COL23A1: variants seen among roughly 807,000 people sequenced by gnomAD.
COL23A1 encodes the protein collagen alpha-1(XXIII) chain.
Under a neutral mutation model 99.3 loss-of-function variants are expected in COL23A1, and 97 were observed. The ratio of observed to expected loss-of-function variants is 0.98; its 90% confidence interval spans 0.83 to 1.16. The LOEUF is 1.16. Among genes scored for constraint, COL23A1 ranks in the 50% most tolerant of loss-of-function variants. The pLI, the probability that COL23A1 is intolerant of heterozygous loss-of-function variation, is 0.00. For missense variants in COL23A1, 762 were observed against 757.4 expected (o/e 1.01, Z -0.07); for synonymous variants, 320 against 308.2 (o/e 1.04, Z -0.40).
At chr5:178,287,864 G>A (rs1279474076) in intron 5 of COL23A1, among the ~76,000 whole-genome samples, 8 of 152,218 alleles carry the variant, frequency 5.3e-5, no homozygotes, top group South Asian at 2.1e-4. Flanking sequence ...CCAGGAATGC[G>A]CTAGCTTTTG....
In COL23A1 at chr5:178,306,446, G is replaced by T. The variant is rs1758357467; in HGVS notation, c.406+429C>A. Among the ~76,000 whole-genome samples the T allele has an allele frequency of 6.6e-6, 1 of 151,924 alleles. No homozygotes were observed. The highest frequency in any genetic ancestry group is 6.6e-5 in the Admixed American group (1 of 15,264). Reference sequence around the variant, plus strand: ...TGGGCTGCAGGGAAGGGAGGTGGGGGAGTCTCCTCCTGGCGGCTCTGCCAA... The same window carrying T: ...TGGGCTGCAGGGAAGGGAGGTGGGGTAGTCTCCTCCTGGCGGCTCTGCCAA... On this transcript the variant is annotated intron_variant, in intron 3 of 28. Transcript: ENST00000390654. This position sits in a 1 kb window ranked among gnomAD's most constrained non-coding sequence, Gnocchi z 4.1.
intron 7 of COL23A1, among the ~76,000 whole-genome samples, chr5:178,268,137 G>A (rs142713590): frequency 3.3e-5 from 5 of 152,314 alleles, no homozygotes; most frequent in African/African-American, 4.8e-5. Context: ...TCCAAATTCT[G>A]GGTCGGGGGT....
At chr5:178,417,611 C>A (rs1765384078) in intron 2 of COL23A1, among the ~76,000 whole-genome samples, 1 of 152,120 alleles carries the variant, frequency 6.6e-6, no homozygotes, top group Non-Finnish European at 1.5e-5. Context: ...GACGGAAATC[C>A]AACCCTCAAC....
chr5:178,357,733 TGTGTATGTAC>T (rs1488948459), intron 2 of COL23A1, among the ~76,000 whole-genome samples: 1 of 149,268 alleles, frequency 6.7e-6, no homozygotes, highest in Non-Finnish European at 1.5e-5. Context: ...TGTGTGTGTG[TGTGTATGTAC>T]GTGTATGTGT....
In COL23A1 at chr5:178,561,254, C is replaced by G. The variant is rs149294634; in HGVS notation, c.295-506G>C. Among the ~76,000 whole-genome samples, 59 of 152,364 alleles carry G rather than the reference C, an allele frequency of 3.9e-4. 2 individuals carry two copies. In the South Asian group the frequency reaches 0.012, roughly 31 times the overall value. On this transcript the variant is annotated intron_variant, in intron 1 of 28. Transcript: ENST00000390654. ...ACCTGATGGCCCGGGTTGAATCACC[C>G]TGATGAAAACATTTTCCTTTGTTGT...
intron 19 of COL23A1, among the ~76,000 whole-genome samples, chr5:178,248,516 C>T (rs1033869033): frequency 2.6e-5 from 4 of 152,152 alleles, no homozygotes; most frequent in Non-Finnish European, 4.4e-5. Flanking sequence ...GCAAAGACCC[C>T]GGGGTCAAAC....
chr5:178,387,925 C>T lies in COL23A1; in HGVS notation c.362-81006G>A, dbSNP rs776266241. Reference sequence around the variant, plus strand: ...AGATGTGGCAGCTGTGGTGGCACTGCAAGAACTGCCAGTGAAGGACAGAAA... The same window carrying T: ...AGATGTGGCAGCTGTGGTGGCACTGTAAGAACTGCCAGTGAAGGACAGAAA... On this transcript the variant is annotated intron_variant, in intron 2 of 28. Coordinates refer to ENST00000390654, the MANE Select transcript of COL23A1 (RefSeq NM_173465.4). The surrounding 1 kb of genome is among the most constrained non-coding windows in gnomAD (Gnocchi z 4.7). 2.2e-4 allele frequency among the ~76,000 whole-genome samples: 32 copies of T among 147,710 alleles called. No individual in the cohort carries two copies. Among genetic ancestry groups the T allele is most frequent in the Non-Finnish European group, 4.3e-4 (29 of 67,986 alleles).
chr5:178,367,172 C>T (rs887109901), intron 2 of COL23A1, among the ~76,000 whole-genome samples: 2 of 152,216 alleles, frequency 1.3e-5, no homozygotes, highest in Non-Finnish European at 2.9e-5. Context: ...TACACATCAG[C>T]ACTAGCTTGA....
At chr5:178,580,327 C>CAAAA (rs139837263) in intron 1 of COL23A1, among the ~76,000 whole-genome samples, 2 of 114,062 alleles carry the variant, frequency 1.8e-5, no homozygotes, top group African/African-American at 3.3e-5. Context: ...GACTCCATCT[C>CAAAA]AAAAAAAAAA....
intron 2 of COL23A1, among the ~76,000 whole-genome samples, chr5:178,532,472 C>T (rs922057882): frequency 2.6e-5 from 4 of 152,108 alleles, no homozygotes; most frequent in Non-Finnish European, 5.9e-5. Context: ...AGCCGAGCCC[C>T]GAGAAGATGC....
At position 178,518,930 on chromosome 5, in the gene COL23A1, GGCGGCGGCTGCGGTCGGTCGCGGCA is replaced by G. The variant is rs1009264463; in HGVS notation, c.361+41727_361+41751del. Among the ~76,000 whole-genome samples the G allele has an allele frequency of 6.4e-5, 6 of 93,288 alleles. No individual in the cohort carries two copies. In the South Asian group the frequency reaches 1.4e-3, roughly 22 times the overall value. The allele number at this position is 93,288 out of a possible 152,430, so 61.2% of individuals were successfully genotyped here. ...AACTCCATCCTCCCGGCGGTCGGGC[GGCGGCGGCTGCGGTCGGTCGCGGCA>G]GCGGCTCCGCTTCATATCTGCAGCT... is the stretch of plus-strand genomic sequence containing the variant. On this transcript the variant is annotated intron_variant, in intron 2 of 28. Coordinates refer to ENST00000390654, the MANE Select transcript of COL23A1 (RefSeq NM_173465.4).
chr5:178,288,973 T>TA (rs1365143130), intron 4 of COL23A1, among the ~76,000 whole-genome samples: 3 of 151,928 alleles, frequency 2.0e-5, no homozygotes, highest in African/African-American at 7.3e-5. Context: ...ACTGCCAAGT[T>TA]AAAAAAGAAA....
chr5:178,486,024 C>T (rs778135291), intron 2 of COL23A1, among the ~76,000 whole-genome samples: 4 of 152,176 alleles, frequency 2.6e-5, no homozygotes, highest in African/African-American at 4.8e-5. Flanking sequence ...CTTCTGCCCT[C>T]AACTGATGAT....
chr5:178,578,373 C>G (rs1763500790), intron 1 of COL23A1, among the ~76,000 whole-genome samples: 1 of 152,142 alleles, frequency 6.6e-6, no homozygotes, highest in African/African-American at 2.4e-5. Context: ...TGGGAATCTT[C>G]CCTTCCTGAC....
intron 3 of COL23A1, among the ~76,000 whole-genome samples, chr5:178,292,044 C>A (rs149223981): frequency 2.6e-5 from 4 of 152,294 alleles, no homozygotes; most frequent in Admixed American, 6.5e-5. Flanking sequence ...CATCGCCTTT[C>A]CAACACCAGT....
At chr5:178,473,267 T>C (rs1756856418) in intron 2 of COL23A1, among the ~76,000 whole-genome samples, 1 of 152,110 alleles carries the variant, frequency 6.6e-6, no homozygotes, top group Admixed American at 6.6e-5. Context: ...TGAGGGAGGA[T>C]GTACTTAGGT....
In COL23A1 at chr5:178,238,716, G is replaced by A. The variant is rs1336908419; in HGVS notation, c.1621-16C>T. 7.4e-6 allele frequency: 12 copies of A among 1,612,034 alleles called. No individual in the cohort carries two copies. The African/African-American group carries it at 1.5e-4, about 20-fold the overall frequency. The stretch of plus-strand genomic sequence containing the variant: ...CTGTGGGTCACTGGAAAAGGAGGAA[G>A]AGACTGAAGGTGACGAGGAGCCCGA... On this transcript the variant is annotated splice_polypyrimidine_tract_variant and intron_variant, in intron 28 of 28. Transcript: ENST00000390654.
chr5:178,259,714 C>T lies in COL23A1; in HGVS notation c.729+7G>A, dbSNP rs544545258. The T allele has an allele frequency of 1.2e-6, 2 of 1,602,592 alleles. No homozygotes were observed. The highest frequency in any genetic ancestry group is 2.2e-5 in the East Asian group (1 of 44,454). ...GACCCGGAAGCTCCTCCATTGGCCC[C>T]TCTCACCTTCTTTCCAGGTACTCCA... On this transcript the variant is annotated splice_region_variant and intron_variant, in intron 12 of 28. Coordinates refer to ENST00000390654, the MANE Select transcript of COL23A1 (RefSeq NM_173465.4).
At chr5:178,357,986 G>GTA (rs1280975296) in intron 2 of COL23A1, among the ~76,000 whole-genome samples, 1 of 150,930 alleles carries the variant, frequency 6.6e-6, no homozygotes, top group Admixed American at 6.6e-5. Context: ...ATATATGTGT[G>GTA]TATGCGTGTG....
Sources: gnomAD v4.1 joint callset for allele counts (sites outside exome capture counted in the v4.1 genomes callset) on GRCh38, gnomAD v4.1.1 for gene constraint, Gnocchi (gnomAD v3.1) non-coding constraint, MANE v1.5 for transcripts, NCBI Gene and HGNC (gene_info 2026-07-23, HGNC 2026-07-21) for gene names.